Variants in DPYSL3 observed in about 807,000 individuals in gnomAD.
The protein encoded by DPYSL3 is dihydropyrimidinase like 3.
In DPYSL3, 16 loss-of-function variants were observed where a neutral mutation model predicts 66.1. The ratio of observed to expected loss-of-function variants is 0.24; its 90% CI spans 0.16 to 0.37. DPYSL3 has a LOEUF of 0.37. Among genes scored for constraint, DPYSL3 ranks in the 10% least tolerant of loss-of-function variants. The pLI, the probability that DPYSL3 is intolerant of heterozygous loss-of-function variation, is 1.00. For synonymous variants in DPYSL3, 338 were observed against 345.1 expected (o/e 0.98, Z 0.23); for missense variants, 738 against 916.2 (o/e 0.81, Z 2.51).
At chr5:147,508,239 G>A (rs1753708527) in intron 1 of DPYSL3, among the ~76,000 whole-genome samples, 1 of 152,142 alleles carries the variant, frequency 6.6e-6, no homozygotes, top group Non-Finnish European at 1.5e-5. Flanking sequence ...ATTTTCCCTG[G>A]TGGTCTTAGT....
intron 1 of DPYSL3, among the ~76,000 whole-genome samples, chr5:147,433,515 C>T (rs1752353957): frequency 6.6e-6 from 1 of 152,088 alleles, no homozygotes. Context: ...TAGGTAGCAA[C>T]TGAGGGAGTC....
intron 1 of DPYSL3, among the ~76,000 whole-genome samples, chr5:147,482,412 T>A (rs1326760095): frequency 6.6e-6 from 1 of 152,168 alleles, no homozygotes; most frequent in Non-Finnish European, 1.5e-5. Flanking sequence ...TGGCCATTCT[T>A]CTCCATCTAG....
At chr5:147,508,901 G>C (rs905989402) in intron 1 of DPYSL3, among the ~76,000 whole-genome samples, 2 of 152,152 alleles carry the variant, frequency 1.3e-5, no homozygotes, top group African/African-American at 4.8e-5. Flanking sequence ...ACACAAGCGA[G>C]GCATAGAGAG....
intron 1 of DPYSL3, among the ~76,000 whole-genome samples, chr5:147,446,295 A>G (rs951827016): frequency 1.3e-5 from 2 of 152,214 alleles, no homozygotes; most frequent in Non-Finnish European, 2.9e-5. Context: ...GCAGGCCTGA[A>G]GCACAGTGTG....
chr5:147,455,541 G>C (rs1211259799), intron 1 of DPYSL3, among the ~76,000 whole-genome samples: 2 of 152,174 alleles, frequency 1.3e-5, no homozygotes, highest in Non-Finnish European at 2.9e-5. Context: ...CACTAGCCAA[G>C]AGTTGTGAAA....
At chr5:147,434,875 C>A (rs1221124528) in intron 1 of DPYSL3, among the ~76,000 whole-genome samples, 1 of 152,118 alleles carries the variant, frequency 6.6e-6, no homozygotes, top group African/African-American at 2.4e-5. Flanking sequence ...ACCCGTAGAA[C>A]TACTCAACAA....
chr5:147,503,195 A>G (rs1753640053), intron 1 of DPYSL3, among the ~76,000 whole-genome samples: 1 of 152,156 alleles, frequency 6.6e-6, no homozygotes, highest in Non-Finnish European at 1.5e-5. Context: ...CACTCACCCA[A>G]TTTGTTGGAC....
At chr5:147,470,297 G>T (rs1753067513) in intron 1 of DPYSL3, among the ~76,000 whole-genome samples, 1 of 151,900 alleles carries the variant, frequency 6.6e-6, no homozygotes, top group South Asian at 2.1e-4. Context: ...TACTTTCTAG[G>T]GCACCTAGAG....
At chr5:147,482,568 T>G (rs776852919) in intron 1 of DPYSL3, among the ~76,000 whole-genome samples, 3 of 152,196 alleles carry the variant, frequency 2.0e-5, no homozygotes, top group Non-Finnish European at 2.9e-5. Context: ...ATTTCCCAAC[T>G]GTGTTCACCA....
chr5:147,393,652 T>A lies in DPYSL3; in HGVS notation c.*383A>T. The A allele has an allele frequency of 5.5e-6, 1 of 181,798 alleles. No individual in the cohort carries two copies. 11.3% of individuals were successfully genotyped at this position (181,798 alleles called of 1,614,324 possible). On this transcript the variant is annotated 3_prime_UTR_variant, in exon 14 of 14. Coordinates refer to ENST00000343218, the MANE Select transcript of DPYSL3 (RefSeq NM_001197294.2). Reference sequence around the variant, plus strand: ...CTTGCTCCAGGCTCCCACCACCCACTCACCCCAAATAACCTGCGTCCCTTT... The same window carrying A: ...CTTGCTCCAGGCTCCCACCACCCACACACCCCAAATAACCTGCGTCCCTTT...
chr5:147,453,287 G>A (rs1176786260), intron 1 of DPYSL3, among the ~76,000 whole-genome samples: 1 of 152,190 alleles, frequency 6.6e-6, no homozygotes, highest in Non-Finnish European at 1.5e-5. Flanking sequence ...TACCGGCGGT[G>A]GGAAGGGAGG....
intron 1 of DPYSL3, among the ~76,000 whole-genome samples, chr5:147,476,652 ATCT>A (rs1273992956): frequency 1.3e-5 from 2 of 152,250 alleles, no homozygotes; most frequent in Non-Finnish European, 2.9e-5. Flanking sequence ...AACTGGTGAA[ATCT>A]TCTCATGTAT....
At chr5:147,397,911 T>A (rs930313976) in intron 11 of DPYSL3, 66 bp from the exon 12 acceptor site, 2 of 1,420,568 alleles carry the variant, frequency 1.4e-6, no homozygotes, top group Non-Finnish European at 1.9e-6. Context: ...CCTTCTCTCC[T>A]TGAGACCTTC....
At chr5:147,453,558 C>A in intron 1 of DPYSL3, 1 of 1,539,426 alleles carries the variant, frequency 6.5e-7, no homozygotes, top group Non-Finnish European at 8.8e-7. Context: ...CCGTGATCCG[C>A]GGGATGTTCT....
chr5:147,487,278 G>A (rs1382587073), intron 1 of DPYSL3, among the ~76,000 whole-genome samples: 1 of 151,944 alleles, frequency 6.6e-6, no homozygotes, highest in Non-Finnish European at 1.5e-5. Context: ...TCATAAATTT[G>A]CATTCTCTAA....
At chr5:147,420,930 T>C (rs1176497663) in intron 2 of DPYSL3, among the ~76,000 whole-genome samples, 1 of 152,182 alleles carries the variant, frequency 6.6e-6, no homozygotes, top group Non-Finnish European at 1.5e-5. Context: ...TAAAAAGTTC[T>C]GTGATCAGAC....
chr5:147,505,241 G>A (rs1003586736), intron 1 of DPYSL3, among the ~76,000 whole-genome samples: 42 of 147,110 alleles, frequency 2.9e-4, no homozygotes, highest in African/African-American at 9.4e-4. Context: ...ACTCAGAGAC[G>A]TTTTTTTTTT....
intron 1 of DPYSL3, among the ~76,000 whole-genome samples, chr5:147,447,548 A>T (rs1752649539): frequency 6.6e-6 from 1 of 152,198 alleles, no homozygotes; most frequent in South Asian, 2.1e-4. Flanking sequence ...AGGAGGGAGT[A>T]ACCAGGGAGC....
chr5:147,462,277 A>G (rs1008748308), intron 1 of DPYSL3, among the ~76,000 whole-genome samples: 1 of 152,182 alleles, frequency 6.6e-6, no homozygotes, highest in Non-Finnish European at 1.5e-5. Context: ...ACACATGAAC[A>G]ATCTTGACTT....
Sources: allele counts gnomAD v4.1 joint callset (sites outside exome capture counted in the v4.1 genomes callset), GRCh38; gene constraint gnomAD v4.1.1; transcripts MANE v1.5; gene names NCBI Gene and HGNC (gene_info 2026-07-23, HGNC 2026-07-21).